The following DPP10 variants were observed in gnomAD, a reference collection of about 807,000 sequenced individuals.
DPP10 encodes dipeptidyl peptidase like 10.
In DPP10, 33 loss-of-function variants were observed where a neutral mutation model predicts 120.9. The observed-to-expected ratio is 0.27, with a 90% CI of 0.21 to 0.37. The LOEUF is 0.37. Ranked by LOEUF, DPP10 falls within the 10% of genes least tolerant of loss-of-function variation. The probability of loss-of-function intolerance (pLI) is 1.00; values close to 1 mark genes in which losing one functional copy is unlikely to be tolerated. For missense variants in DPP10, 816 were observed against 942.8 expected (o/e 0.87, Z 1.76); for synonymous variants, 337 against 326.1 (o/e 1.03, Z -0.36).
At chr2:115,507,032 G>GCACACACACA (rs34873744) in intron 4 of DPP10, among the ~76,000 whole-genome samples, 44 of 148,828 alleles carry the variant, frequency 3.0e-4, no homozygotes, top group African/African-American at 9.6e-4. Context: ...ACACACGCAC[G>GCACACACACA]CGCACACACA....
At chr2:115,694,371 A>G (rs549497142) in intron 7 of DPP10, among the ~76,000 whole-genome samples, 1 of 152,324 alleles carries the variant, frequency 6.6e-6, no homozygotes, top group South Asian at 2.1e-4. Flanking sequence ...CTGTAAAAGA[A>G]ATTCCTGGTA....
chr2:114,451,831 T>C (rs1390347547), intron 1 of DPP10, among the ~76,000 whole-genome samples: 1 of 152,078 alleles, frequency 6.6e-6, no homozygotes, highest in East Asian at 1.9e-4. Context: ...TGTCTTCAAG[T>C]AAAATATAAA....
At chr2:115,815,543 A>C in intron 20 of DPP10, 132 bp from the exon 21 acceptor site, 1 of 750,334 alleles carries the variant, frequency 1.3e-6, no homozygotes, top group Non-Finnish European at 2.0e-6. Context: ...ACCCTAATAC[A>C]TGAACAGAGC....
At chr2:115,829,652 C>A (rs1205138503) in intron 21 of DPP10, among the ~76,000 whole-genome samples, 1 of 148,126 alleles carries the variant, frequency 6.8e-6, no homozygotes, top group Non-Finnish European at 1.5e-5. Flanking sequence ...CAGTACATTT[C>A]TTTTATTTCT....
At chr2:115,340,911 G>T (rs572625443) in intron 2 of DPP10, among the ~76,000 whole-genome samples, 1 of 151,926 alleles carries the variant, frequency 6.6e-6, no homozygotes. Flanking sequence ...ATCAAATATA[G>T]ATGATAAAAT....
intron 1 of DPP10, among the ~76,000 whole-genome samples, chr2:115,001,953 C>A (rs1442430788): frequency 6.6e-6 from 1 of 152,192 alleles, no homozygotes; most frequent in Non-Finnish European, 1.5e-5. Flanking sequence ...AATGGCTATA[C>A]TGCCCAAAGC....
At position 114,704,676 on chromosome 2, in the gene DPP10, G is replaced by T. The variant is rs116678343; in HGVS notation, c.60+261838G>T. Among the ~76,000 whole-genome samples the T allele has an allele frequency of 1.7e-3, 265 of 152,138 alleles. 1 individual carries two copies. Among genetic ancestry groups the T allele is most frequent in the African/African-American group, 5.6e-3 (234 of 41,446 alleles). ...TCTCCCTTTTAGGTAAGTGTGTACA[G>T]GTGCATATGATAGATTTCAAATGTG... On this transcript the variant is annotated intron_variant, in intron 1 of 25. Transcript: ENST00000410059.
At chr2:115,206,131 G>GGT (rs1160702435) in intron 1 of DPP10, among the ~76,000 whole-genome samples, 6 of 152,034 alleles carry the variant, frequency 3.9e-5, no homozygotes, top group Non-Finnish European at 1.5e-5. Context: ...ACATATACAT[G>GGT]GTATGTATAT....
chr2:115,628,554 G>C (rs867061733), intron 5 of DPP10, among the ~76,000 whole-genome samples: 1 of 151,932 alleles, frequency 6.6e-6, no homozygotes, highest in Non-Finnish European at 1.5e-5. Flanking sequence ...TTCTTTTGTT[G>C]TAATTGTTTT....
chr2:114,535,711 A>G lies in DPP10; in HGVS notation c.60+92873A>G, dbSNP rs576403222. Among the ~76,000 whole-genome samples, 4 of 152,142 alleles carry G rather than the reference A, an allele frequency of 2.6e-5. No homozygotes were observed. In the East Asian group the frequency reaches 7.7e-4, roughly 29 times the overall value. On this transcript the variant is annotated intron_variant, in intron 1 of 25. Coordinates refer to ENST00000410059, the MANE Select transcript of DPP10 (RefSeq NM_020868.6). The stretch of plus-strand genomic sequence containing the variant: ...CAAACCTACCTCTTTGATTGCTGTC[A>G]GACAGTTTTTTTTTCTGAATTACAA...
rs371110817 is a variant in DPP10, at chr2:115,779,724, C to T, written c.1362-1150C>T. On this transcript the variant is annotated intron_variant, in intron 15 of 25. Coordinates refer to ENST00000410059, the MANE Select transcript of DPP10 (RefSeq NM_020868.6). ...ATGTAATTAATGAAACTGAATTGTA[C>T]ACTTAGAAATGCTTAAAATGACAAA... Among the ~76,000 whole-genome samples, 8 of 151,934 alleles carry T rather than the reference C, an allele frequency of 5.3e-5. No homozygotes were observed. In the South Asian group the frequency reaches 1.0e-3, roughly 20 times the overall value.
At chr2:114,599,844 G>T (rs528667000) in intron 1 of DPP10, among the ~76,000 whole-genome samples, 1 of 151,518 alleles carries the variant, frequency 6.6e-6, no homozygotes. Flanking sequence ...ATTATTGTTT[G>T]TGGCTAGAAT....
intron 3 of DPP10, among the ~76,000 whole-genome samples, chr2:115,470,899 C>A (rs1420848416): frequency 6.6e-6 from 1 of 152,152 alleles, no homozygotes; most frequent in Non-Finnish European, 1.5e-5. Context: ...TTACTGCCCT[C>A]ATGACATAAT....
chr2:114,767,822 T>A (rs1175071245), intron 1 of DPP10, among the ~76,000 whole-genome samples: 1 of 152,152 alleles, frequency 6.6e-6, no homozygotes, highest in African/African-American at 2.4e-5. Context: ...GAATACTATC[T>A]TCAAAGTTCT....
At chr2:114,617,188 A>G (rs1693738976) in intron 1 of DPP10, among the ~76,000 whole-genome samples, 1 of 152,096 alleles carries the variant, frequency 6.6e-6, no homozygotes, top group South Asian at 2.1e-4. Flanking sequence ...CCCAGTTTGA[A>G]TGAAAACAGC....
At chr2:115,488,689 A>T (rs2075901452) in intron 3 of DPP10, among the ~76,000 whole-genome samples, 1 of 119,670 alleles carries the variant, frequency 8.4e-6, no homozygotes, top group African/African-American at 3.2e-5. Context: ...ATGAGATCAC[A>T]TGGACACAGG....
intron 3 of DPP10, among the ~76,000 whole-genome samples, chr2:115,411,791 G>A (rs1056930597): frequency 6.6e-6 from 1 of 152,150 alleles, no homozygotes; most frequent in Non-Finnish European, 1.5e-5. Flanking sequence ...AGTTTCCTGC[G>A]ATTATAAAGT....
intron 1 of DPP10, among the ~76,000 whole-genome samples, chr2:114,748,463 T>C (rs1002661554): frequency 1.4e-5 from 2 of 144,918 alleles, no homozygotes; most frequent in African/African-American, 5.1e-5. Context: ...GCAGGTTAGT[T>C]ACATATGTTT....
chr2:114,843,708 C>T (rs1028014118), intron 1 of DPP10, among the ~76,000 whole-genome samples: 1 of 152,110 alleles, frequency 6.6e-6, no homozygotes, highest in African/African-American at 2.4e-5. Context: ...ATATAACCTT[C>T]TTTCCCATTT....
Sources: gnomAD v4.1 joint callset for allele counts (sites outside exome capture counted in the v4.1 genomes callset) on GRCh38, gnomAD v4.1.1 for gene constraint, MANE v1.5 for transcripts, NCBI Gene and HGNC (gene_info 2026-07-23, HGNC 2026-07-21) for gene names.